Variants in SOD3 observed in about 807,000 individuals in gnomAD.
SOD3 encodes the protein superoxide dismutase 3.
Under a neutral mutation model 2.6 loss-of-function variants are expected in SOD3, and 3 were observed. The ratio of observed to expected loss-of-function variants is 1.13; its 90% confidence interval spans 0.52 to 2.93. The LOEUF is 2.93. SOD3 is among the 30% of genes most tolerant of loss of function. SOD3 has a pLI of 0.04. For missense variants in SOD3, 379 were observed against 370.4 expected (o/e 1.02, Z -0.19); for synonymous variants, 188 against 177.5 (o/e 1.06, Z -0.47).
chr4:24,800,215 C>A lies in SOD3; in HGVS notation c.694C>A (p.Arg232=), dbSNP rs1318430262. The change falls in exon 2 of 2, where the codon CGG becomes AGG. Residue 232 remains arginine (R), a synonymous_variant. Transcript: ENST00000382120. ...AREHSERKKR[R]RESECKAA is the part of the protein sequence containing the mutation. ...GGAGCACTCAGAGCGCAAGAAGCGG[C>A]GGCGCGAGAGCGAGTGCAAGGCCGC... 3.5e-6 allele frequency: 5 copies of A among 1,431,304 alleles called. No homozygotes were observed. Among genetic ancestry groups the A allele is most frequent in the Non-Finnish European group, 4.6e-6 (5 of 1,097,858 alleles). The allele number at this position is 1,431,304 out of a possible 1,614,324, so 88.7% of individuals were successfully genotyped here. A position where few individuals can be genotyped will look rare whatever the true frequency, so the allele number is the denominator to read the frequency against.
Position 24,800,194 on chromosome 4 carries a change from C to T in SOD3, c.673C>T (p.His225Tyr), listed in dbSNP as rs1465589077. ...GCTCTGGGAGCGCCAGGCGCGGGAG[C>T]ACTCAGAGCGCAAGAAGCGGCGGCG... is the stretch of plus-strand genomic sequence containing the variant. ...PGLWERQAREHSERKKRRRES... is the reference protein window; with the variant it reads ...PGLWERQAREYSERKKRRRES... The change falls in exon 2 of 2, where the codon CAC becomes TAC. Residue 225 changes from histidine (H) to tyrosine (Y), a missense_variant. Physicochemically the swap from His to Tyr is moderately conservative, Grantham distance 83 (BLOSUM62 2). Coordinates refer to ENST00000382120, the MANE Select transcript of SOD3 (RefSeq NM_003102.4). 7.0e-7 allele frequency: 1 copy of T among 1,431,818 alleles called. No individual in the cohort carries two copies. Among genetic ancestry groups the T allele is most frequent in the Admixed American group, 2.9e-5 (1 of 34,324 alleles). 88.7% of individuals were successfully genotyped at this position (1,431,818 alleles called of 1,614,324 possible).
chr4:24,799,838 C>T lies in SOD3; in HGVS notation c.317C>T (p.Pro106Leu), dbSNP rs768544851. Residue 106 changes from proline (P) to leucine (L), a missense_variant, in exon 2 of 2, where the codon CCG (proline) becomes CTG (leucine). Transcript: ENST00000382120. Reference sequence around the variant, plus strand: ...GCCCTGGAGGGCTTCCCGACCGAGCCGAACAGCTCCAGCCGCGCCATCCAC... The same window carrying T: ...GCCCTGGAGGGCTTCCCGACCGAGCTGAACAGCTCCAGCCGCGCCATCCAC... The part of the protein sequence containing the change: ...FFALEGFPTE[P>L]NSSSRAIHVH... 6.2e-7 allele frequency: 1 copy of T among 1,601,510 alleles called. No homozygotes were observed. Among genetic ancestry groups the T allele is most frequent in the Non-Finnish European group, 8.5e-7 (1 of 1,179,040 alleles).
chr4:24,799,581 G>C lies in SOD3; in HGVS notation c.60G>C (p.Thr20=), dbSNP rs760354348. 8.1e-6 allele frequency: 13 copies of C among 1,603,010 alleles called. No homozygotes were observed. Among genetic ancestry groups the C allele is most frequent in the African/African-American group, 5.3e-5 (4 of 74,896 alleles). ...CAGCCGGTGCCTCGGACGCCTGGAC[G>C]GGCGAGGACTCGGCGGAGCCCAACT... ...LLAAGASDAW[T]GEDSAEPNSD... Residue 20 remains threonine (T), a synonymous_variant, in exon 2 of 2, where the codon ACG becomes ACC. Coordinates refer to ENST00000382120, the MANE Select transcript of SOD3 (RefSeq NM_003102.4).
chr4:24,798,148 C>T (rs1407867627), intron 1 of SOD3, among the ~76,000 whole-genome samples: 1 of 151,982 alleles, frequency 6.6e-6, no homozygotes, highest in Non-Finnish European at 1.5e-5. Context: ...GCCTGGGCAT[C>T]TGATTTTTAA....
At chr4:24,797,481 A>C (rs950686315) in intron 1 of SOD3, among the ~76,000 whole-genome samples, 8 of 152,134 alleles carry the variant, frequency 5.3e-5, no homozygotes, top group Non-Finnish European at 1.0e-4. Flanking sequence ...GTGTTCGATA[A>C]GTTTTAGCAA....
intron 1 of SOD3, among the ~76,000 whole-genome samples, chr4:24,796,432 T>C (rs1328786232): frequency 4.1e-5 from 4 of 98,436 alleles, no homozygotes; most frequent in Non-Finnish European, 6.6e-5. Context: ...TCCTCCTTCT[T>C]CTCTTTTTTT....
In SOD3 at chr4:24,800,399, T is replaced by G; in HGVS notation, c.*155T>G. 6 of 717,524 alleles carry G rather than the reference T, an allele frequency of 8.4e-6. No homozygotes were observed. Among genetic ancestry groups the G allele is most frequent in the East Asian group, 3.6e-5 (1 of 27,690 alleles). 44.4% of individuals were successfully genotyped at this position (717,524 alleles called of 1,614,324 possible). On this transcript the variant is annotated 3_prime_UTR_variant, in exon 2 of 2. Coordinates refer to ENST00000382120, the MANE Select transcript of SOD3 (RefSeq NM_003102.4). ...CCCTCTCCACCCAGAGGTCTCCCTATACCGAGACCCACCATCCTTCCATCC... is the reference window on the plus strand; with the variant it reads ...CCCTCTCCACCCAGAGGTCTCCCTAGACCGAGACCCACCATCCTTCCATCC...
chr4:24,798,567 G>A (rs1031924396), intron 1 of SOD3, among the ~76,000 whole-genome samples: 2 of 151,890 alleles, frequency 1.3e-5, no homozygotes, highest in African/African-American at 4.8e-5. Flanking sequence ...TCTCTCCCTA[G>A]GCTACTCCCA....
In SOD3 at chr4:24,799,581, G is replaced by A. The variant is rs760354348; in HGVS notation, c.60G>A (p.Thr20=). 10 of 1,603,128 alleles carry A rather than the reference G, an allele frequency of 6.2e-6. No homozygotes were observed. Among genetic ancestry groups the A allele is most frequent in the African/African-American group, 1.3e-5 (1 of 75,018 alleles). The part of the protein sequence containing the change: ...LLAAGASDAW[T]GEDSAEPNSD... ...CAGCCGGTGCCTCGGACGCCTGGAC[G>A]GGCGAGGACTCGGCGGAGCCCAACT... The change falls in exon 2 of 2, where the codon ACG becomes ACA. Residue 20 remains threonine, a synonymous_variant. Transcript: ENST00000382120.
chr4:24,798,219 T>G (rs1234573272), intron 1 of SOD3, among the ~76,000 whole-genome samples: 2 of 152,110 alleles, frequency 1.3e-5, no homozygotes, highest in African/African-American at 2.4e-5. Flanking sequence ...TCTCCTCTTC[T>G]AAGTGCCAGA....
intron 1 of SOD3, among the ~76,000 whole-genome samples, chr4:24,798,668 C>T (rs1161410275): frequency 6.6e-6 from 1 of 152,186 alleles, no homozygotes; most frequent in African/African-American, 2.4e-5. Flanking sequence ...TCATCACCCA[C>T]TTTTCTTCTT....
chr4:24,795,989 A>C (rs148661190), intron 1 of SOD3, among the ~76,000 whole-genome samples: 2,861 of 152,144 alleles, frequency 0.019, 34 homozygotes, highest in Middle Eastern at 0.048. Context: ...GACAGCAGGT[A>C]CTCTAAAAAG....
intron 1 of SOD3, among the ~76,000 whole-genome samples, chr4:24,798,433 G>A (rs1480468369): frequency 1.3e-5 from 2 of 152,250 alleles, no homozygotes; most frequent in East Asian, 3.9e-4. Flanking sequence ...GCTGCCCGGT[G>A]TGTCTCTTAA....
At chr4:24,798,541 T>C (rs1713740056) in intron 1 of SOD3, among the ~76,000 whole-genome samples, 1 of 152,120 alleles carries the variant, frequency 6.6e-6, no homozygotes, top group Admixed American at 6.6e-5. Context: ...TCACTGTCTC[T>C]ATTTCTGCTT....
chr4:24,796,539 C>T (rs1553843540), intron 1 of SOD3, among the ~76,000 whole-genome samples: 1 of 146,428 alleles, frequency 6.8e-6, no homozygotes, highest in South Asian at 2.2e-4. Context: ...TCACTACAGC[C>T]TCTACCTCCC....
chr4:24,800,274 A>C lies in SOD3; in HGVS notation c.*30A>C. The C allele has an allele frequency of 7.3e-7, 1 of 1,374,998 alleles. No individual in the cohort carries two copies. Among genetic ancestry groups the C allele is most frequent in the Non-Finnish European group, 9.4e-7 (1 of 1,067,068 alleles). 85.2% of individuals were successfully genotyped at this position (1,374,998 alleles called of 1,614,324 possible). A position where few individuals can be genotyped will look rare whatever the true frequency, so the allele number is the denominator to read the frequency against. ...GGCCCCCACCCGGCGGCGGCCAGGG[A>C]CCCCCGAGGCCCCCCTCTGCCTTTG... On this transcript the variant is annotated 3_prime_UTR_variant, in exon 2 of 2. Transcript: ENST00000382120.
In SOD3 at chr4:24,800,082, G is replaced by C. The variant is rs1441706051; in HGVS notation, c.561G>C (p.Leu187=). Residue 187 remains leucine (L), a synonymous_variant, in exon 2 of 2, where the codon CTG becomes CTC. Coordinates refer to ENST00000382120, the MANE Select transcript of SOD3 (RefSeq NM_003102.4). ...TCGTCCACGCTGGCGAGGACGACCT[G>C]GGCCGCGGCGGCAACCAGGCCAGCG... ...AVVVHAGEDD[L]GRGGNQASVE... 2.1e-6 allele frequency: 3 copies of C among 1,406,390 alleles called. No individual in the cohort carries two copies. The highest frequency in any genetic ancestry group is 1.8e-6 in the Non-Finnish European group (2 of 1,091,556). The allele number at this position is 1,406,390 out of a possible 1,614,324, so 87.1% of individuals were successfully genotyped here.
At chr4:24,796,745 T>G (rs1387792247) in intron 1 of SOD3, among the ~76,000 whole-genome samples, 1 of 151,924 alleles carries the variant, frequency 6.6e-6, no homozygotes, top group East Asian at 1.9e-4. Context: ...TAAGCCACCA[T>G]GCCTGGCTCT....
chr4:24,798,446 C>G (rs800446), intron 1 of SOD3, among the ~76,000 whole-genome samples: 3,525 of 152,144 alleles, frequency 0.023, 145 homozygotes, highest in African/African-American at 0.082. Context: ...TCTCTTAAAC[C>G]CATGCCTCCT....
Sources: gnomAD v4.1 joint callset for allele counts (sites outside exome capture counted in the v4.1 genomes callset) on GRCh38, gnomAD v4.1.1 for gene constraint, MANE v1.5 for transcripts, NCBI Gene and HGNC (gene_info 2026-07-23, HGNC 2026-07-21) for gene names.